The following RBPJ variants were observed in gnomAD, a reference collection of about 807,000 sequenced individuals.
The protein encoded by RBPJ is recombination signal binding protein for immunoglobulin kappa J region.
RBPJ carries 9 observed loss-of-function variants against 67.8 expected under a neutral mutation model. The observed-to-expected ratio is 0.13, with a 90% CI of 0.08 to 0.23. RBPJ has a LOEUF of 0.23. Among genes scored for constraint, RBPJ ranks in the 10% least tolerant of loss-of-function variants. The probability of loss-of-function intolerance (pLI) is 1.00; values close to 1 mark genes in which losing one functional copy is unlikely to be tolerated. For synonymous variants in RBPJ, 198 were observed against 203.3 expected (o/e 0.97, Z 0.22); for missense variants, 305 against 595.6 (o/e 0.51, Z 5.08).
intron 1 of RBPJ, among the ~76,000 whole-genome samples, chr4:26,303,216 ATAAT>A (rs1341571188): frequency 7.4e-6 from 1 of 134,872 alleles, no homozygotes; most frequent in Non-Finnish European, 1.6e-5. Context: ...AAATAAATAA[ATAAT>A]AAATGAATAA....
rs957659278 is a variant in RBPJ at position 26,248,078 on chromosome 4, G to A, written c.-167+84464G>A. Among the ~76,000 whole-genome samples, 15 of 152,292 alleles carry A rather than the reference G, an allele frequency of 9.8e-5. 1 individual carries two copies. The South Asian group carries it at 2.9e-3, about 29-fold the overall frequency. ...GGAAGCTGAGGCGGGGCATCATGAG[G>A]TCTGGAGTTTGAGACCAGCCTGGCC... On this transcript the variant is annotated intron_variant, in intron 1 of 4. Transcript: ENST00000512351.
chr4:26,251,110 A>G (rs949357157), intron 1 of RBPJ, among the ~76,000 whole-genome samples: 4 of 152,236 alleles, frequency 2.6e-5, no homozygotes, highest in Non-Finnish European at 5.9e-5. Flanking sequence ...GATCGTCTAC[A>G]TGACCAGCTT....
At chr4:26,172,317 GA>G (rs898576596) in intron 1 of RBPJ, among the ~76,000 whole-genome samples, 25 of 152,136 alleles carry the variant, frequency 1.6e-4, no homozygotes, top group African/African-American at 6.0e-4. Context: ...GAAAGGGATA[GA>G]AAAAAAATTT....
At chr4:26,320,033 G>A (rs902119530), upstream of RBPJ, 3 of 677,472 alleles carry the variant, frequency 4.4e-6, no homozygotes, top group East Asian at 8.5e-5. Flanking sequence ...CAGGCCCTCG[G>A]GTGGCCCGGT....
upstream of RBPJ, among the ~76,000 whole-genome samples, chr4:26,162,175 C>G (rs1716098150): frequency 6.6e-6 from 1 of 152,208 alleles, no homozygotes; most frequent in South Asian, 2.1e-4. Context: ...GGACACAGGA[C>G]AGAGAAACTC....
chr4:26,404,956 C>T (rs900094048), intron 2 of RBPJ, among the ~76,000 whole-genome samples: 2 of 152,178 alleles, frequency 1.3e-5, no homozygotes, highest in Non-Finnish European at 2.9e-5. Flanking sequence ...GTACATATCT[C>T]TACTTGGATT....
At chr4:26,301,058 G>A (rs1050044019) in intron 1 of RBPJ, among the ~76,000 whole-genome samples, 9 of 151,276 alleles carry the variant, frequency 5.9e-5, no homozygotes, top group African/African-American at 2.2e-4. Context: ...AAACAGGGAG[G>A]GGACTGCTGA....
At chr4:26,322,532 T>C (rs1209884020) in intron 1 of RBPJ, among the ~76,000 whole-genome samples, 6 of 152,178 alleles carry the variant, frequency 3.9e-5, no homozygotes, top group Admixed American at 3.9e-4. Flanking sequence ...AACCCTTCTG[T>C]CCCATCATTG....
the RBPJ span, among the ~76,000 whole-genome samples, chr4:26,109,460 CTATATATATATATATATATA>C: frequency 6.8e-5 from 1 of 14,690 alleles, no homozygotes; most frequent in Non-Finnish European, 1.2e-4. Context: ...CTCTCTCTCT[CTATATATATATATATATATA>C]TATATATATA....
chr4:26,337,074 G>A (rs1024258229), intron 1 of RBPJ, among the ~76,000 whole-genome samples: 1 of 151,152 alleles, frequency 6.6e-6, no homozygotes, highest in Non-Finnish European at 1.5e-5. Flanking sequence ...CGATTCTCCC[G>A]CCTCAGCCTC....
the RBPJ span, among the ~76,000 whole-genome samples, chr4:26,152,019 C>T: frequency 2.0e-5 from 3 of 152,116 alleles, no homozygotes; most frequent in Non-Finnish European, 2.9e-5. Context: ...GAAGGGGCCC[C>T]TAGAACAGTT....
the RBPJ span, among the ~76,000 whole-genome samples, chr4:26,124,328 TTCACTTAGAATAATAA>T: frequency 6.7e-6 from 1 of 150,042 alleles, no homozygotes; most frequent in Middle Eastern, 3.4e-3. Context: ...CCTGAGTTAC[TTCACTTAGAATAATAA>T]TCTCCAGTCT....
At chr4:26,336,782 A>C (rs1724880584) in intron 1 of RBPJ, among the ~76,000 whole-genome samples, 1 of 152,204 alleles carries the variant, frequency 6.6e-6, no homozygotes, top group Admixed American at 6.5e-5. Context: ...CTGATAACAA[A>C]AATAACAAAA....
chr4:26,120,772 T>C, the RBPJ span, among the ~76,000 whole-genome samples: 4 of 147,122 alleles, frequency 2.7e-5, no homozygotes, highest in Non-Finnish European at 4.5e-5. Flanking sequence ...CCCAGCTTTA[T>C]AGATGAGACC....
chr4:26,168,303 A>G (rs1452437587), intron 1 of RBPJ, among the ~76,000 whole-genome samples: 2 of 152,040 alleles, frequency 1.3e-5, no homozygotes, highest in Non-Finnish European at 2.9e-5. Context: ...GCTTGTCTGT[A>G]AAGTATTTTA....
At chr4:26,362,672 A>G in intron 1 of RBPJ, 1 of 1,471,200 alleles carries the variant, frequency 6.8e-7, no homozygotes, top group Admixed American at 1.7e-5. Flanking sequence ...TCATGGATAG[A>G]ATGAACACTC....
intron 1 of RBPJ, among the ~76,000 whole-genome samples, chr4:26,234,749 G>A (rs1205183512): frequency 2.6e-5 from 4 of 152,042 alleles, no homozygotes; most frequent in African/African-American, 9.7e-5. Context: ...CTGGAGTGCA[G>A]TGGTGAGATC....
chr4:26,392,126 A>G (rs1731564954), intron 2 of RBPJ, among the ~76,000 whole-genome samples: 1 of 152,200 alleles, frequency 6.6e-6, no homozygotes, highest in Non-Finnish European at 1.5e-5. Flanking sequence ...ACTTTTTAGC[A>G]GTTAGATACT....
chr4:26,210,744 C>CTTTCTTTCTTTCTTTCTTTCT (rs56940118), intron 1 of RBPJ, among the ~76,000 whole-genome samples: 1 of 47,926 alleles, frequency 2.1e-5, no homozygotes, highest in Non-Finnish European at 4.0e-5. Context: ...TACTTCTTTC[C>CTTTCTTTCTTTCTTTCTTTCT]TTCTTTCCTT....
Sources: gnomAD v4.1 joint callset for allele counts (sites outside exome capture counted in the v4.1 genomes callset) on GRCh38, gnomAD v4.1.1 for gene constraint, MANE v1.5 for transcripts, NCBI Gene and HGNC (gene_info 2026-07-23, HGNC 2026-07-21) for gene names.